Variants in TIMM23 observed in about 807,000 individuals in gnomAD.
TIMM23 encodes translocase of inner mitochondrial membrane 23, also known as mitochondrial import inner membrane translocase subunit Tim23.
A neutral mutation model predicts 30.7 loss-of-function variants in TIMM23; 19 were observed. The observed-to-expected ratio is 0.62, with a 90% CI of 0.43 to 0.91. The LOEUF (loss-of-function observed/expected upper bound fraction) is 0.91. Among genes scored for constraint, TIMM23 ranks in the 40% least tolerant of loss-of-function variants. The pLI, the probability that TIMM23 is intolerant of heterozygous loss-of-function variation, is 0.00. For synonymous variants in TIMM23, 78 were observed against 98.5 expected (o/e 0.79, Z 1.23); for missense variants, 202 against 269.2 (o/e 0.75, Z 1.75).
At chr10:45,993,212 C>G (rs1210982232) in intron 6 of TIMM23, among the ~76,000 whole-genome samples, 2 of 135,688 alleles carry the variant, frequency 1.5e-5, no homozygotes, top group Non-Finnish European at 3.1e-5. Flanking sequence ...CTAGTACTTG[C>G]TAACGTTTGC....
chr10:45,984,869 T>C (rs1311210820), intron 4 of TIMM23: 12 of 175,400 alleles, frequency 6.8e-5, no homozygotes, highest in African/African-American at 1.2e-4. Flanking sequence ...AATTCTACTT[T>C]ATATTCTGTA....
intron 2 of TIMM23, among the ~76,000 whole-genome samples, chr10:45,979,328 C>G (rs1334050311): frequency 4.6e-5 from 7 of 152,248 alleles, no homozygotes; most frequent in African/African-American, 1.7e-4. Flanking sequence ...TTCTAAGAGA[C>G]AAAGTCTCCC....
chr10:45,999,901 G>A (rs1199904281), intron 6 of TIMM23, among the ~76,000 whole-genome samples: 2 of 152,160 alleles, frequency 1.3e-5, no homozygotes, highest in Non-Finnish European at 2.9e-5. Flanking sequence ...CTCTTTCCCA[G>A]GGATGTTCCT....
chr10:45,996,968 CAAA>C (rs1172844294), intron 6 of TIMM23, among the ~76,000 whole-genome samples: 2 of 112,498 alleles, frequency 1.8e-5, no homozygotes, highest in Non-Finnish European at 1.9e-5. Flanking sequence ...CTGTGTCAAA[CAAA>C]AAAAAAAAAA....
rs879964246 is a variant in TIMM23, at chr10:45,972,523, C to T, written c.-102C>T. The T allele has an allele frequency of 6.8e-7, 1 of 1,470,044 alleles. No homozygotes were observed. The highest frequency in any genetic ancestry group is 9.1e-7 in the Non-Finnish European group (1 of 1,098,764). The allele number at this position is 1,470,044 out of a possible 1,614,324, so 91.1% of individuals were successfully genotyped here. A position where few individuals can be genotyped will look rare whatever the true frequency, so the allele number is the denominator to read the frequency against. ...CCGGAAGGTCAGCGTGTGAAGTAGG[C>T]GCTGGCAACGCGGGGTTACCCGCTG... On this transcript the variant is annotated 5_prime_UTR_variant, in exon 1 of 7. Transcript: ENST00000580018.
chr10:45,985,489 C>A, intron 5 of TIMM23, 48 bp downstream of exon 5: 1 of 1,600,500 alleles, frequency 6.2e-7, no homozygotes, highest in Non-Finnish European at 8.6e-7. Context: ...AAAGAATGCA[C>A]AAATATCATG....
intron 2 of TIMM23, among the ~76,000 whole-genome samples, chr10:45,979,607 T>G (rs1256860809): frequency 5.7e-5 from 1 of 17,606 alleles, no homozygotes; most frequent in Non-Finnish European, 1.6e-4. Flanking sequence ...ATGCCTGGCC[T>G]TTTTTTTTTT....
chr10:45,980,400 A>C (rs1837806817), intron 2 of TIMM23, among the ~76,000 whole-genome samples: 1 of 152,060 alleles, frequency 6.6e-6, no homozygotes, highest in Non-Finnish European at 1.5e-5. Context: ...TGCCTAGCCA[A>C]CTTTTATCTG....
At chr10:46,001,780 G>A (rs544223024) in intron 6 of TIMM23, among the ~76,000 whole-genome samples, 1 of 152,214 alleles carries the variant, frequency 6.6e-6, no homozygotes, top group South Asian at 2.1e-4. Flanking sequence ...AAGCTGCTTT[G>A]GGCACCCCCA....
At chr10:45,987,391 A>G (rs1838020990) in intron 5 of TIMM23, among the ~76,000 whole-genome samples, 1 of 152,090 alleles carries the variant, frequency 6.6e-6, no homozygotes, top group Admixed American at 6.5e-5. Context: ...CTGCCTGGAG[A>G]TAGCATTAGA....
At chr10:45,985,564 A>G (rs1182794626) in intron 5 of TIMM23, 123 bp downstream of exon 5, 6 of 1,210,204 alleles carry the variant, frequency 5.0e-6, no homozygotes, top group Admixed American at 3.5e-5. Flanking sequence ...ACCCATTCCA[A>G]TGCATAATGT....
chr10:45,979,736 T>A (rs1283703940), intron 2 of TIMM23, among the ~76,000 whole-genome samples: 23 of 151,788 alleles, frequency 1.5e-4, no homozygotes, highest in African/African-American at 4.3e-4. Context: ...TGAAGCAAGT[T>A]GATGGTTCGG....
At chr10:45,998,810 T>C (rs1838423991) in intron 6 of TIMM23, among the ~76,000 whole-genome samples, 1 of 151,126 alleles carries the variant, frequency 6.6e-6, no homozygotes, top group Non-Finnish European at 1.5e-5. Context: ...TTATTTAATA[T>C]GTTACTGGTG....
intron 2 of TIMM23, among the ~76,000 whole-genome samples, chr10:45,981,831 G>GT (rs1837856051): frequency 3.3e-5 from 5 of 151,978 alleles, no homozygotes; most frequent in African/African-American, 1.2e-4. Context: ...AATTTTGTTT[G>GT]TTTTTTTGAG....
intron 2 of TIMM23, among the ~76,000 whole-genome samples, chr10:45,976,571 A>G (rs1489546176): frequency 2.0e-5 from 3 of 152,148 alleles, no homozygotes; most frequent in Admixed American, 2.0e-4. Context: ...AGAACACCCC[A>G]CTACACTCCA....
chr10:45,978,520 A>T (rs1307921310), intron 2 of TIMM23, among the ~76,000 whole-genome samples: 1 of 152,358 alleles, frequency 6.6e-6, no homozygotes, highest in Non-Finnish European at 1.5e-5. Context: ...CTCTATGAAG[A>T]TATACAGATG....
intron 1 of TIMM23, among the ~76,000 whole-genome samples, chr10:45,973,492 G>C (rs2132235965): frequency 1.3e-5 from 2 of 152,258 alleles, no homozygotes; most frequent in East Asian, 3.9e-4. Context: ...GAGAATCCTT[G>C]TAATATTTCT....
intron 6 of TIMM23, among the ~76,000 whole-genome samples, chr10:46,000,833 G>T (rs1279768564): frequency 1.3e-5 from 2 of 152,202 alleles, no homozygotes; most frequent in African/African-American, 2.4e-5. Context: ...CAAAAGTATT[G>T]TGTTTTCAAT....
intron 6 of TIMM23, among the ~76,000 whole-genome samples, chr10:45,995,387 T>A (rs1277252713): frequency 1.3e-5 from 2 of 149,600 alleles, no homozygotes; most frequent in African/African-American, 5.0e-5. Flanking sequence ...TGGAGGGGGC[T>A]GAGCTGGAGC....
Sources: allele counts gnomAD v4.1 joint callset (sites outside exome capture counted in the v4.1 genomes callset), GRCh38; gene constraint gnomAD v4.1.1; transcripts MANE v1.5; gene names NCBI Gene and HGNC (gene_info 2026-07-23, HGNC 2026-07-21).